COL17A1: variants seen among roughly 807,000 people sequenced by gnomAD.
COL17A1 encodes collagen alpha-1(XVII) chain.
COL17A1 carries 181 observed loss-of-function variants against 218.4 expected under a neutral mutation model. The observed-to-expected ratio is 0.83, with a 90% CI of 0.73 to 0.94. The LOEUF (loss-of-function observed/expected upper bound fraction) is 0.94. COL17A1 is among the 40% of genes least tolerant of loss of function. The pLI is 0.00. For synonymous variants in COL17A1, 721 were observed against 731.0 expected, an observed-to-expected ratio of 0.99 and a Z score of 0.22; for missense variants, 1,924 against 1,945.9, an observed-to-expected ratio of 0.99 and a Z score of 0.21.
At chr10:104,033,054 GAGAT>G in intron 53 of COL17A1, 86 bp from the exon 54 acceptor site, 1 of 1,548,844 alleles carries the variant, frequency 6.5e-7, no homozygotes, top group African/African-American at 1.4e-5. Flanking sequence ...GTAACACAGA[GAGAT>G]AGTGATGGAG....
At chr10:104,071,979 A>C (rs760010772) in intron 8 of COL17A1, 53 bp downstream of exon 8, 5 of 1,611,896 alleles carry the variant, frequency 3.1e-6, no homozygotes, top group Non-Finnish European at 4.2e-6. Context: ...CACACACAGC[A>C]CTAGCCCTGG....
In COL17A1 at chr10:104,054,120, T is replaced by G; in HGVS notation, c.1745-2A>C. 6.2e-7 allele frequency: 1 copy of G among 1,607,330 alleles called. No individual in the cohort carries two copies. Among genetic ancestry groups the G allele is most frequent in the Non-Finnish European group, 8.5e-7 (1 of 1,176,794 alleles). On this transcript the variant is annotated splice_acceptor_variant, in intron 20 of 55. Coordinates refer to ENST00000648076, the MANE Select transcript of COL17A1 (RefSeq NM_000494.4). LOFTEE classifies it high-confidence loss of function. The stretch of plus-strand genomic sequence containing the variant: ...GAGTCCCAGGGAACCCTCGATCTCC[T>G]GCAGGAACAAAGGCAAAAGAGAGAG...
chr10:104,034,050 C>G lies in COL17A1; in HGVS notation c.4051G>C (p.Ala1351Pro). ...TTGCCAGCATACATGCCGCCTTCTG[C>G]TGCTGCCCCATAGCCTCCGCCTGGG... is the stretch of plus-strand genomic sequence containing the variant. ...IGPGGGYGAA[A>P]EGGMYAGNGG... Residue 1351 changes from alanine to proline, a missense_variant, in exon 52 of 56, where the codon GCA (alanine) becomes CCA (proline). Physicochemically the swap from Ala to Pro is conservative, Grantham distance 27. Transcript: ENST00000648076. 6.2e-7 allele frequency: 1 copy of G among 1,614,160 alleles called. No individual in the cohort carries two copies. Among genetic ancestry groups the G allele is most frequent in the African/African-American group, 1.3e-5 (1 of 75,058 alleles).
intron 6 of COL17A1, among the ~76,000 whole-genome samples, chr10:104,073,499 G>C (rs1032162851): frequency 6.6e-6 from 1 of 152,162 alleles, no homozygotes; most frequent in African/African-American, 2.4e-5. Flanking sequence ...CATTTTGAAT[G>C]TTAAGTTAGC....
At chr10:104,064,688 G>C (rs1005457892) in intron 9 of COL17A1, 92 bp from the exon 10 acceptor site, 12 of 1,272,412 alleles carry the variant, frequency 9.4e-6, no homozygotes, top group Non-Finnish European at 1.2e-5. Context: ...GGGATTTCCT[G>C]GTTTGGGCAT....
At chr10:104,056,033 T>G in intron 17 of COL17A1, 30 bp from the exon 18 acceptor site, 1 of 1,613,352 alleles carries the variant, frequency 6.2e-7, no homozygotes, top group South Asian at 1.1e-5. Flanking sequence ...ACTGCGTCAC[T>G]GAGGGCCCGG....
intron 41 of COL17A1, 59 bp from the exon 42 acceptor site, chr10:104,039,699 C>T (rs2086338762): frequency 6.2e-7 from 1 of 1,612,110 alleles, no homozygotes; most frequent in Admixed American, 1.7e-5. Flanking sequence ...ACTAACAGCC[C>T]TGTAGAGCCT....
chr10:104,049,569 C>G (rs2086447450), intron 28 of COL17A1, 98 bp from the exon 29 acceptor site: 3 of 1,335,638 alleles, frequency 2.2e-6, no homozygotes, highest in Non-Finnish European at 3.2e-6. Flanking sequence ...AAGGAAGCAG[C>G]TTCTGCTTTG....
At chr10:104,062,153 G>A in intron 12 of COL17A1, 105 bp downstream of exon 12, 6 of 1,548,986 alleles carry the variant, frequency 3.9e-6, no homozygotes, top group Non-Finnish European at 5.3e-6. Context: ...TGGTGGGAAA[G>A]GTCGACTGAT....
intron 39 of COL17A1, 95 bp from the exon 40 acceptor site, chr10:104,040,505 A>C: frequency 1.3e-6 from 1 of 797,224 alleles, no homozygotes; most frequent in Non-Finnish European, 2.2e-6. Flanking sequence ...CTCAATCAAT[A>C]CTTGTCAAAT....
At chr10:104,084,257 A>C (rs1446043331) in intron 1 of COL17A1, among the ~76,000 whole-genome samples, 1 of 152,074 alleles carries the variant, frequency 6.6e-6, no homozygotes, top group Non-Finnish European at 1.5e-5. Flanking sequence ...TAATCTGAGA[A>C]GGTGGTTAGT....
chr10:104,070,516 C>T lies in COL17A1; in HGVS notation c.517G>A (p.Val173Met), dbSNP rs1196569336. ...TTGGAGGAATTCCGGGTGGGGCTCA[C>T]ACTTGCCGATCGACTCCCCTTGAGC... The part of the protein sequence containing the change: ...RLLKGSRSAS[V>M]SPTRNSSNTL... Residue 173 changes from valine (V) to methionine (M), a missense_variant, in exon 9 of 56, where the codon GTG becomes ATG. By Grantham distance (21) the Val-to-Met change is conservative. Coordinates refer to ENST00000648076, the MANE Select transcript of COL17A1 (RefSeq NM_000494.4). 2 of 1,614,192 alleles carry T rather than the reference C, an allele frequency of 1.2e-6. No homozygotes were observed. The highest frequency in any genetic ancestry group is 3.3e-5 in the Admixed American group (2 of 60,030).
intron 2 of COL17A1, among the ~76,000 whole-genome samples, chr10:104,079,310 C>T (rs181732754): frequency 7.8e-4 from 118 of 152,226 alleles, no homozygotes; most frequent in Non-Finnish European, 1.4e-3. Context: ...AAGACCCTAC[C>T]TATCTGGGGC....
At position 104,036,838 on chromosome 10, in the gene COL17A1, G is replaced by T. The variant is rs11191902; in HGVS notation, c.3278-206C>A. On this transcript the variant is annotated intron_variant, in intron 47 of 55. Transcript: ENST00000648076. ...CACCTGCCAGCTTGTCTGGCATGGG[G>T]GCTTGGGAGGACATTTCCTGCCCCC... Among the ~76,000 whole-genome samples, 4,951 of 152,278 alleles carry T rather than the reference G, an allele frequency of 0.033. 237 individuals are homozygous for T. The highest frequency in any genetic ancestry group is 0.11 in the African/African-American group (4,589 of 41,534).
intron 5 of COL17A1, 107 bp downstream of exon 5, chr10:104,076,194 G>A: frequency 6.4e-7 from 1 of 1,562,886 alleles, no homozygotes; most frequent in South Asian, 1.1e-5. Flanking sequence ...GGAGTGGGGA[G>A]AAAGGTGAAG....
chr10:104,037,505 A>G (rs1159226090), intron 46 of COL17A1, 131 bp downstream of exon 46: 27 of 1,238,884 alleles, frequency 2.2e-5, no homozygotes, highest in Non-Finnish European at 3.0e-5. Context: ...CCCGATTATT[A>G]TGAATTCGGA....
At chr10:104,039,190 C>T (rs2086333014) in intron 43 of COL17A1, 69 bp from the exon 44 acceptor site, 2 of 1,481,548 alleles carry the variant, frequency 1.3e-6, no homozygotes, top group Non-Finnish European at 9.4e-7. Flanking sequence ...CCAAACCACA[C>T]TTATTAGTGT....
intron 33 of COL17A1, among the ~76,000 whole-genome samples, chr10:104,044,105 G>C (rs1213218423): frequency 6.6e-6 from 1 of 152,258 alleles, no homozygotes. Flanking sequence ...TTGAGGATGT[G>C]GAAAGCTTGC....
At chr10:104,036,949 C>T in intron 47 of COL17A1, 96 bp downstream of exon 47, 1 of 1,195,722 alleles carries the variant, frequency 8.4e-7, no homozygotes. Flanking sequence ...TCTTGCAGCC[C>T]TTCCAAGGCT....
Sources: gnomAD v4.1 joint callset for allele counts (sites outside exome capture counted in the v4.1 genomes callset) on GRCh38, gnomAD v4.1.1 for gene constraint, MANE v1.5 for transcripts, NCBI Gene and HGNC (gene_info 2026-07-23, HGNC 2026-07-21) for gene names.